The following CFAP54 variants were observed in gnomAD, a reference collection of about 807,000 sequenced individuals.
CFAP54 encodes the protein cilia- and flagella-associated protein 54.
In CFAP54, 290 loss-of-function variants were observed where a neutral mutation model predicts 370.4. The ratio of observed to expected loss-of-function variants is 0.78; its 90% CI spans 0.71 to 0.86. CFAP54 has a LOEUF of 0.86. Among genes scored for constraint, CFAP54 ranks in the 40% least tolerant of loss-of-function variants. CFAP54 has a pLI of 0.00. For synonymous variants in CFAP54, 1,206 were observed against 1,236.5 expected, an observed-to-expected ratio of 0.98 and a Z score of 0.52; for missense variants, 3,399 against 3,528.7, an observed-to-expected ratio of 0.96 and a Z score of 0.93.
intron 5 of CFAP54, among the ~76,000 whole-genome samples, chr12:96,514,489 G>A (rs1018003018): frequency 2.0e-5 from 3 of 152,188 alleles, no homozygotes; most frequent in Admixed American, 2.0e-4. Flanking sequence ...CTGCAATGAT[G>A]CTACATTCAG....
rs1049982464 is a variant in CFAP54, at chr12:96,830,659, T to G, written c.9171+1571T>G. Among the ~76,000 whole-genome samples, 4 of 152,098 alleles carry G rather than the reference T, an allele frequency of 2.6e-5. No homozygotes were observed. In the East Asian group the frequency reaches 7.7e-4, roughly 29 times the overall value. ...AGAGGACCATTTACCCACATATTCA[T>G]CTCTCCTAGTTTTCTGGGTTTGTTT... On this transcript the variant is annotated intron_variant, in intron 66 of 67. Transcript: ENST00000524981.
At chr12:96,615,250 A>C (rs1956402587) in intron 26 of CFAP54, among the ~76,000 whole-genome samples, 1 of 152,262 alleles carries the variant, frequency 6.6e-6, no homozygotes, top group African/African-American at 2.4e-5. Context: ...TGACAAAAAC[A>C]AAAAGTGGGG....
Position 96,753,619 on chromosome 12 carries a change from A to G in CFAP54, c.7685-124A>G, listed in dbSNP as rs745419443. ...TTAAAACATTTCTTGGATGCTAAAA[A>G]CTGTAAAAACTACCAAAGTTCTTGA... On this transcript the variant is annotated intron_variant, in intron 55 of 67. Transcript: ENST00000524981. 7 of 902,664 alleles carry G rather than the reference A, an allele frequency of 7.8e-6. No individual in the cohort carries two copies. The Admixed American group carries it at 1.3e-4, about 17-fold the overall frequency. 55.9% of individuals were successfully genotyped at this position (902,664 alleles called of 1,614,324 possible). A position where few individuals can be genotyped will look rare whatever the true frequency, so the allele number is the denominator to read the frequency against.
At position 96,500,885 on chromosome 12, in the gene CFAP54, A is replaced by G. The variant is rs1287596645; in HGVS notation, c.369A>G (p.Ala123=). 3.3e-6 allele frequency: 5 copies of G among 1,535,956 alleles called. No homozygotes were observed. Among genetic ancestry groups the G allele is most frequent in the Non-Finnish European group, 4.4e-6 (5 of 1,146,782 alleles). ...IWTKYAPRLP[A]DYYNEKLLKV... ...CTAAATACGCCCCCAGGCTGCCAGC[A>G]GACTATTACAACGAAAAGCTTCTGA... is the stretch of plus-strand genomic sequence containing the variant. Residue 123 remains alanine, a synonymous_variant, in exon 2 of 68, where the codon GCA becomes GCG. Transcript: ENST00000524981.
intron 50 of CFAP54, among the ~76,000 whole-genome samples, chr12:96,727,586 G>C (rs1285610301): frequency 6.6e-6 from 1 of 150,714 alleles, no homozygotes; most frequent in Non-Finnish European, 1.5e-5. Context: ...ACATGAGATG[G>C]GTTTCCTGAA....
At chr12:96,577,591 C>T (rs1276404752) in intron 20 of CFAP54, among the ~76,000 whole-genome samples, 1 of 151,782 alleles carries the variant, frequency 6.6e-6, no homozygotes, top group East Asian at 1.9e-4. Flanking sequence ...ATTCTAGCTC[C>T]AACCTTTCCT....
chr12:96,616,020 C>T (rs551171730), intron 26 of CFAP54, among the ~76,000 whole-genome samples: 31 of 152,272 alleles, frequency 2.0e-4, no homozygotes, highest in Non-Finnish European at 4.1e-4. Flanking sequence ...TGGGTATATA[C>T]CCAAAGGATT....
intron 60 of CFAP54, among the ~76,000 whole-genome samples, chr12:96,769,990 C>CAG (rs1388635052): frequency 6.6e-6 from 1 of 152,146 alleles, no homozygotes; most frequent in Admixed American, 6.6e-5. Flanking sequence ...GCACCTGGTG[C>CAG]AGAGATACAG....
At chr12:96,647,315 T>C (rs1956805973) in intron 33 of CFAP54, among the ~76,000 whole-genome samples, 2 of 150,392 alleles carry the variant, frequency 1.3e-5, no homozygotes, top group Admixed American at 1.3e-4. Flanking sequence ...CTACTAAAAA[T>C]ACAAAAACTT....
chr12:96,589,751 T>C (rs1192744860), intron 23 of CFAP54, among the ~76,000 whole-genome samples, 188 bp downstream of exon 23: 3 of 152,116 alleles, frequency 2.0e-5, no homozygotes, highest in Non-Finnish European at 4.4e-5. Flanking sequence ...TCTTTCTTTC[T>C]TTCTTTCTTT....
At chr12:96,811,882 A>C in intron 64 of CFAP54, 40 bp downstream of exon 64, 1 of 1,215,122 alleles carries the variant, frequency 8.2e-7, no homozygotes, top group African/African-American at 1.6e-5. Context: ...CTTTGTTGTT[A>C]TCTCTCACGA....
At chr12:96,631,399 G>A (rs1956606005) in intron 32 of CFAP54, among the ~76,000 whole-genome samples, 1 of 151,802 alleles carries the variant, frequency 6.6e-6, no homozygotes, top group African/African-American at 2.4e-5. Flanking sequence ...TTATGCTGAT[G>A]AGTGAATTCA....
intron 25 of CFAP54, among the ~76,000 whole-genome samples, chr12:96,596,626 C>A (rs2136439446): frequency 6.6e-6 from 1 of 151,936 alleles, no homozygotes; most frequent in Middle Eastern, 3.4e-3. Context: ...GAAAAATTTC[C>A]CAGGAGATGA....
chr12:96,844,738 C>A, intron 66 of CFAP54, among the ~76,000 whole-genome samples: 1 of 152,258 alleles, frequency 6.6e-6, no homozygotes, highest in South Asian at 2.1e-4. Flanking sequence ...AGTGTCAGAG[C>A]CAGGATCCAC....
At chr12:96,826,554 T>A (rs1392159678) in intron 65 of CFAP54, among the ~76,000 whole-genome samples, 2 of 79,380 alleles carry the variant, frequency 2.5e-5, no homozygotes, top group East Asian at 8.8e-4. Flanking sequence ...AATTTATATA[T>A]AATATATAAT....
intron 66 of CFAP54, among the ~76,000 whole-genome samples, chr12:96,840,410 A>G (rs1433014691): frequency 1.3e-5 from 2 of 152,268 alleles, no homozygotes; most frequent in Middle Eastern, 3.4e-3. Context: ...TTTAATATCC[A>G]TTGGCAAATT....
chr12:96,690,172 A>G (rs1237821842), intron 43 of CFAP54, among the ~76,000 whole-genome samples: 1 of 152,242 alleles, frequency 6.6e-6, no homozygotes, highest in Non-Finnish European at 1.5e-5. Context: ...ATTATTTCTT[A>G]GTAATACTAT....
intron 63 of CFAP54, among the ~76,000 whole-genome samples, chr12:96,795,710 C>T (rs752328964): frequency 2.2e-4 from 33 of 151,958 alleles, no homozygotes; most frequent in Admixed American, 8.5e-4. Flanking sequence ...CAAGCCTCCC[C>T]GCTAAGAAAA....
chr12:96,680,297 C>G (rs1280683711), intron 40 of CFAP54, among the ~76,000 whole-genome samples: 4 of 152,134 alleles, frequency 2.6e-5, no homozygotes, highest in Admixed American at 6.5e-5. Flanking sequence ...CTTGTAACAT[C>G]TATCTGCTTG....
Sources: gnomAD v4.1 joint callset for allele counts (sites outside exome capture counted in the v4.1 genomes callset) on GRCh38, gnomAD v4.1.1 for gene constraint, MANE v1.5 for transcripts, NCBI Gene and HGNC (gene_info 2026-07-23, HGNC 2026-07-21) for gene names.